The following BZW2 variants were observed in gnomAD, a reference collection of about 807,000 sequenced individuals.
BZW2 encodes the protein basic leucine zipper and W2 domains 2, also known as eIF5-mimic protein 1.
A neutral mutation model predicts 53.2 loss-of-function variants in BZW2; 23 were observed. That is an observed-to-expected ratio of 0.43 (90% CI 0.31 to 0.61). BZW2 has a LOEUF of 0.61. Among genes scored for constraint, BZW2 ranks in the 20% least tolerant of loss-of-function variants. The probability of loss-of-function intolerance (pLI) is 0.09; values close to 1 mark genes in which losing one functional copy is unlikely to be tolerated. For synonymous variants in BZW2, 227 were observed against 186.4 expected, an observed-to-expected ratio of 1.22 and a Z score of -1.77; for missense variants, 409 against 503.1, an observed-to-expected ratio of 0.81 and a Z score of 1.79.
At chr7:16,661,362 T>C (rs1249970158) in intron 1 of BZW2, 1 of 152,130 alleles carries the variant, frequency 6.6e-6, no homozygotes, top group African/African-American at 2.4e-5. Flanking sequence ...TAAGGTGGGC[T>C]GGGTAACTGG....
Position 16,681,227 on chromosome 7 carries a change from A to T in BZW2, c.236-74A>T, listed in dbSNP as rs552683120. On this transcript the variant is annotated intron_variant, in intron 3 of 11. Transcript: ENST00000258761. ...CTTTGATTATTTTCTTTCATTTGCC[A>T]GAATTGATGTGTTCTGCAAATGCTG... 1.4e-5 allele frequency: 16 copies of T among 1,155,858 alleles called. No individual in the cohort carries two copies. In the African/African-American group the frequency reaches 2.5e-4, roughly 18 times the overall value. The allele number at this position is 1,155,858 out of a possible 1,614,324, so 71.6% of individuals were successfully genotyped here.
At chr7:16,672,233 T>C (rs1782623698) in intron 2 of BZW2, among the ~76,000 whole-genome samples, 1 of 152,200 alleles carries the variant, frequency 6.6e-6, no homozygotes, top group South Asian at 2.1e-4. Context: ...GGAGATTTAT[T>C]GAGATTTTTC....
chr7:16,670,904 C>T lies in BZW2; in HGVS notation c.59-3508C>T, dbSNP rs574465603. ...TAATTTATGTGTGTCTTTATGGTAT[C>T]TCACGCTGCGTGACTCTGACTGGTA... On this transcript the variant is annotated intron_variant, in intron 2 of 11. Coordinates refer to ENST00000258761, the MANE Select transcript of BZW2 (RefSeq NM_014038.3). Among the ~76,000 whole-genome samples, 4 of 152,274 alleles carry T rather than the reference C, an allele frequency of 2.6e-5. No homozygotes were observed. The South Asian group carries it at 8.3e-4, about 32-fold the overall frequency.
At chr7:16,669,960 A>G (rs1264029894) in intron 2 of BZW2, among the ~76,000 whole-genome samples, 1 of 152,198 alleles carries the variant, frequency 6.6e-6, no homozygotes, top group African/African-American at 2.4e-5. Flanking sequence ...ATAAAATGCA[A>G]ACTACATTTA....
At chr7:16,670,207 G>T (rs76624115) in intron 2 of BZW2, among the ~76,000 whole-genome samples, 5 of 152,172 alleles carry the variant, frequency 3.3e-5, no homozygotes, top group Non-Finnish European at 7.4e-5. Context: ...CACCCTTATT[G>T]CTCACTGTTG....
At chr7:16,683,282 TG>T (rs2128362533) in intron 5 of BZW2, among the ~76,000 whole-genome samples, 1 of 152,374 alleles carries the variant, frequency 6.6e-6, no homozygotes, top group East Asian at 1.9e-4. Flanking sequence ...AAACACATAG[TG>T]AGTTTTTAAT....
intron 10 of BZW2, among the ~76,000 whole-genome samples, chr7:16,703,836 A>G (rs754564777): frequency 6.6e-6 from 1 of 152,206 alleles, no homozygotes; most frequent in East Asian, 1.9e-4. Context: ...GACAAAAGAT[A>G]GTTAACATTT....
rs1396517479 is a variant in BZW2, at chr7:16,696,953, T to A, written c.861T>A (p.Asp287Glu). 6.2e-7 allele frequency: 1 copy of A among 1,614,138 alleles called. No homozygotes were observed. The highest frequency in any genetic ancestry group is 8.5e-7 in the Non-Finnish European group (1 of 1,179,992). ...LYVKEEMKRNDLPETAVIGLL... is the reference protein window; with the variant it reads ...LYVKEEMKRNELPETAVIGLL... Reference sequence around the variant, plus strand: ...TCAAAGAAGAAATGAAGAGGAATGATCTTCCAGAAACAGCAGTGATTGGTC... The same window carrying A: ...TCAAAGAAGAAATGAAGAGGAATGAACTTCCAGAAACAGCAGTGATTGGTC... The change falls in exon 9 of 12, where the codon GAT becomes GAA. Residue 287 changes from aspartate (D) to glutamate (E), a missense_variant. Around this residue, in one of 3 missense-constraint regions of BZW2, gnomAD observed 316 missense variants for 366.8 expected, o/e 0.86. Coordinates refer to ENST00000258761, the MANE Select transcript of BZW2 (RefSeq NM_014038.3).
chr7:16,651,221 C>T (rs1781977563), intron 1 of BZW2, among the ~76,000 whole-genome samples: 1 of 152,074 alleles, frequency 6.6e-6, no homozygotes, highest in East Asian at 1.9e-4. Context: ...TTTTACATCT[C>T]AACTTATTTT....
chr7:16,670,349 A>G (rs1782564123), intron 2 of BZW2, among the ~76,000 whole-genome samples: 1 of 152,232 alleles, frequency 6.6e-6, no homozygotes, highest in Non-Finnish European at 1.5e-5. Flanking sequence ...AGTCCTCTGC[A>G]TTGATTCTTG....
At chr7:16,659,170 G>GCC (rs1782191096) in intron 1 of BZW2, among the ~76,000 whole-genome samples, 2 of 151,858 alleles carry the variant, frequency 1.3e-5, no homozygotes, top group Admixed American at 6.6e-5. Context: ...CTTTAATGGT[G>GCC]GACTCTTTAC....
At chr7:16,698,969 T>G (rs1170384215) in intron 10 of BZW2, among the ~76,000 whole-genome samples, 2 of 152,228 alleles carry the variant, frequency 1.3e-5, no homozygotes, top group African/African-American at 4.8e-5. Context: ...ATTTTCCCTT[T>G]CATGTGTTCC....
chr7:16,689,684 C>A (rs771171381), intron 6 of BZW2, 113 bp from the exon 7 acceptor site: 67 of 773,606 alleles, frequency 8.7e-5, no homozygotes, highest in Non-Finnish European at 1.3e-4. Context: ...TTCATTTGTA[C>A]CAAAATTAGT....
chr7:16,696,253 A>C (rs1278245052), intron 8 of BZW2, among the ~76,000 whole-genome samples: 1 of 152,234 alleles, frequency 6.6e-6, no homozygotes, highest in African/African-American at 2.4e-5. Context: ...AAAAGGAAAA[A>C]GCCTTTCAAA....
intron 3 of BZW2, among the ~76,000 whole-genome samples, chr7:16,678,652 C>T (rs142518022): frequency 1.3e-5 from 2 of 152,218 alleles, no homozygotes; most frequent in East Asian, 3.9e-4. Flanking sequence ...AAAGCAATAG[C>T]AATAATTAGC....
chr7:16,687,064 A>T (rs1158237655), intron 6 of BZW2: 3 of 152,240 alleles, frequency 2.0e-5, no homozygotes, highest in African/African-American at 4.8e-5. Context: ...AAATTATCCT[A>T]GCCAACATAA....
chr7:16,685,593 T>C (rs1034740696), intron 5 of BZW2, among the ~76,000 whole-genome samples: 3 of 152,202 alleles, frequency 2.0e-5, no homozygotes, highest in Non-Finnish European at 4.4e-5. Flanking sequence ...CTCTCTTGCA[T>C]GCACATAGTC....
In BZW2 at chr7:16,696,947, G is replaced by A. The variant is rs1783514601; in HGVS notation, c.855G>A (p.Arg285=). ...TTTATGTCAAAGAAGAAATGAAGAG[G>A]AATGATCTTCCAGAAACAGCAGTGA... ...VVLYVKEEMK[R]NDLPETAVIG... Residue 285 remains arginine (R), a synonymous_variant, in exon 9 of 12, where the codon AGG becomes AGA. Coordinates refer to ENST00000258761, the MANE Select transcript of BZW2 (RefSeq NM_014038.3). 6.2e-7 allele frequency: 1 copy of A among 1,614,082 alleles called. No homozygotes were observed. The highest frequency in any genetic ancestry group is 8.5e-7 in the Non-Finnish European group (1 of 1,179,966).
chr7:16,682,750 C>A (rs201583635), intron 4 of BZW2, 30 bp from the exon 5 acceptor site: 6 of 1,447,550 alleles, frequency 4.1e-6, no homozygotes, highest in African/African-American at 1.5e-5. Context: ...TTTTGGTTGA[C>A]CTAATATTTA....
Sources: gnomAD v4.1 joint callset for allele counts (sites outside exome capture counted in the v4.1 genomes callset) on GRCh38, gnomAD v4.1.1 for gene constraint, gnomAD v4.1.1 regional missense constraint, MANE v1.5 for transcripts, NCBI Gene and HGNC (gene_info 2026-07-23, HGNC 2026-07-21) for gene names.